The following AFF3 variants were observed in gnomAD, a reference collection of about 807,000 sequenced individuals.
AFF3 encodes the protein AF4/FMR2 family member 3.
A neutral mutation model predicts 129.7 loss-of-function variants in AFF3; 32 were observed. That is an observed-to-expected ratio of 0.25 (90% CI 0.19 to 0.33). The LOEUF (loss-of-function observed/expected upper bound fraction) is 0.33. Ranked by LOEUF, AFF3 falls within the 10% of genes least tolerant of loss-of-function variation. The pLI is 1.00. For synonymous variants in AFF3, 644 were observed against 635.4 expected, an observed-to-expected ratio of 1.01 and a Z score of -0.20; for missense variants, 1,373 against 1,592.0, an observed-to-expected ratio of 0.86 and a Z score of 2.34.
intron 2 of AFF3, among the ~76,000 whole-genome samples, chr2:100,128,234 C>T (rs990849833): frequency 6.6e-6 from 1 of 152,188 alleles, no homozygotes; most frequent in South Asian, 2.1e-4. Flanking sequence ...TATTCCTTCA[C>T]GTTTTTAATA....
Position 100,061,861 on chromosome 2 carries a change from G to GGA in AFF3, c.53+42540_53+42541insTC, listed in dbSNP as rs1553515753. Among the ~76,000 whole-genome samples the GGA allele has an allele frequency of 5.9e-5, 9 of 151,310 alleles. No individual in the cohort carries two copies. In the South Asian group the frequency reaches 1.5e-3, roughly 25 times the overall value. ...AAGAGATGGGTAGCACAGTGGAGGGGGGGGGGGTGCCGACTCTCAAGTCCA... is the reference window on the plus strand; with the variant it reads ...AAGAGATGGGTAGCACAGTGGAGGGGGAGGGGGGGTGCCGACTCTCAAGTCCA... On this transcript the variant is annotated intron_variant, in intron 4 of 24. Coordinates refer to ENST00000672756, the MANE Select transcript of AFF3 (RefSeq NM_001386135.1).
intron 13 of AFF3, among the ~76,000 whole-genome samples, chr2:99,614,374 C>G (rs1681214004): frequency 6.6e-6 from 1 of 152,114 alleles, no homozygotes; most frequent in Non-Finnish European, 1.5e-5. Flanking sequence ...CAGTTACAAA[C>G]CAAAGAATTC....
intron 7 of AFF3, among the ~76,000 whole-genome samples, chr2:100,004,401 A>C (rs1681749892): frequency 6.6e-6 from 1 of 152,166 alleles, no homozygotes; most frequent in Admixed American, 6.6e-5. Context: ...CAAAAGTAAA[A>C]TCTGGTTGAT....
chr2:100,137,525 G>A (rs1692683821), intron 1 of AFF3, among the ~76,000 whole-genome samples: 1 of 143,318 alleles, frequency 7.0e-6, no homozygotes, highest in African/African-American at 2.6e-5. Flanking sequence ...GTGTGCACGT[G>A]CACACGTGCA....
At chr2:99,826,953 C>T (rs906702945) in intron 8 of AFF3, among the ~76,000 whole-genome samples, 4 of 152,014 alleles carry the variant, frequency 2.6e-5, no homozygotes, top group African/African-American at 7.3e-5. Context: ...GAAGTGGACC[C>T]ACCGGAGGGA....
At chr2:100,116,739 T>C (rs1031703773) in intron 2 of AFF3, among the ~76,000 whole-genome samples, 2 of 152,142 alleles carry the variant, frequency 1.3e-5, no homozygotes, top group African/African-American at 4.8e-5. Flanking sequence ...TAATTTTCAT[T>C]AGCATTTTGC....
chr2:99,775,781 G>A (rs949851294), intron 8 of AFF3, among the ~76,000 whole-genome samples: 5 of 151,916 alleles, frequency 3.3e-5, no homozygotes, highest in Non-Finnish European at 5.9e-5. Context: ...CCTGAAAGAC[G>A]ACAACATCAT....
intron 8 of AFF3, among the ~76,000 whole-genome samples, chr2:99,800,732 C>T (rs1253347694): frequency 1.3e-5 from 2 of 152,134 alleles, no homozygotes; most frequent in African/African-American, 2.4e-5. Context: ...CAATGGAATA[C>T]GGCTCAGCAA....
chr2:99,953,804 C>T (rs897648680), intron 7 of AFF3, among the ~76,000 whole-genome samples: 9 of 152,172 alleles, frequency 5.9e-5, no homozygotes, highest in Admixed American at 1.3e-4. Context: ...ACATGAGGGA[C>T]GGTGAGGGAT....
At chr2:100,132,006 C>T (rs114755212) in intron 1 of AFF3, among the ~76,000 whole-genome samples, 3,674 of 152,122 alleles carry the variant, frequency 0.024, 148 homozygotes, top group African/African-American at 0.084. Context: ...GAGGGAGGAC[C>T]GGCCCGCCAC....
chr2:99,586,603 C>T (rs1392819740), intron 16 of AFF3, among the ~76,000 whole-genome samples: 1 of 152,152 alleles, frequency 6.6e-6, no homozygotes, highest in Non-Finnish European at 1.5e-5. Flanking sequence ...TGGGATCTTG[C>T]TTTGCTTGTA....
chr2:99,853,227 T>TA, intron 7 of AFF3, among the ~76,000 whole-genome samples: 1 of 152,278 alleles, frequency 6.6e-6, no homozygotes, highest in East Asian at 1.9e-4. Context: ...TACAGCAGGT[T>TA]AAAAAAATAA....
chr2:99,756,305 C>T (rs1575882649), intron 8 of AFF3, among the ~76,000 whole-genome samples: 1 of 152,326 alleles, frequency 6.6e-6, no homozygotes, highest in East Asian at 1.9e-4. Flanking sequence ...TAGTCTGTTC[C>T]TTTTTCTGAG....
chr2:99,589,606 G>A (rs1678465907), intron 15 of AFF3, among the ~76,000 whole-genome samples: 1 of 151,846 alleles, frequency 6.6e-6, no homozygotes, highest in African/African-American at 2.4e-5. Context: ...TCACCATGTT[G>A]GCCAGGATGG....
rs754129199 is a variant in AFF3 at position 99,837,536 on chromosome 2, G to GA, written c.874-13dup. On this transcript the variant is annotated splice_polypyrimidine_tract_variant and intron_variant, in intron 7 of 24. Transcript: ENST00000672756. ...CCAGATCTACTCTCCTGAAAGCAAA[G>GA]AAAAAAAAATTAAGCCTGATGGAAT... 1.4e-4 allele frequency: 221 copies of GA among 1,602,844 alleles called. No individual in the cohort carries two copies. The highest frequency in any genetic ancestry group is 3.1e-4 in the East Asian group (14 of 44,732).
intron 15 of AFF3, 149 bp from the exon 16 acceptor site, chr2:99,587,427 A>G (rs1440266050): frequency 1.2e-6 from 1 of 848,600 alleles, no homozygotes; most frequent in African/African-American, 1.7e-5. Flanking sequence ...TGCCCCTGCC[A>G]TAGCTTCCCC....
intron 2 of AFF3, among the ~76,000 whole-genome samples, chr2:100,128,148 A>G (rs1321611587): frequency 6.6e-6 from 1 of 152,218 alleles, no homozygotes; most frequent in East Asian, 1.9e-4. Flanking sequence ...TGTTTAGCGT[A>G]TCATCCAGAA....
intron 7 of AFF3, among the ~76,000 whole-genome samples, chr2:99,970,770 A>C (rs1214843305): frequency 1.3e-5 from 2 of 151,998 alleles, no homozygotes; most frequent in Admixed American, 6.6e-5. Flanking sequence ...TTTCTTCTCT[A>C]TGTCTCCTTC....
At chr2:99,840,582 A>C (rs1689243834) in intron 7 of AFF3, among the ~76,000 whole-genome samples, 1 of 152,108 alleles carries the variant, frequency 6.6e-6, no homozygotes, top group Non-Finnish European at 1.5e-5. Flanking sequence ...AATACTTCAC[A>C]CCCTTTCCTA....
Sources: allele counts gnomAD v4.1 joint callset (sites outside exome capture counted in the v4.1 genomes callset), GRCh38; gene constraint gnomAD v4.1.1; transcripts MANE v1.5; gene names NCBI Gene and HGNC (gene_info 2026-07-23, HGNC 2026-07-21).